Variants in DOCK4 observed in about 807,000 individuals in gnomAD.
DOCK4 encodes dedicator of cytokinesis 4.
Under a neutral mutation model 268.1 loss-of-function variants are expected in DOCK4, and 97 were observed. That is an observed-to-expected ratio of 0.36 (90% CI 0.31 to 0.43). DOCK4 has a LOEUF of 0.43. DOCK4 is among the 20% of genes least tolerant of loss of function. The pLI is 1.00. For synonymous variants in DOCK4, 954 were observed against 887.2 expected, an observed-to-expected ratio of 1.08 and a Z score of -1.34; for missense variants, 2,145 against 2,455.7, an observed-to-expected ratio of 0.87 and a Z score of 2.67.
At chr7:111,989,666 T>C (rs954513655) in intron 5 of DOCK4, among the ~76,000 whole-genome samples, 3 of 152,252 alleles carry the variant, frequency 2.0e-5, no homozygotes, top group Non-Finnish European at 2.9e-5. Context: ...AATTCATTCA[T>C]TGATGGATAT....
At chr7:112,113,397 AT>A (rs900756026) in intron 1 of DOCK4, among the ~76,000 whole-genome samples, 2 of 151,962 alleles carry the variant, frequency 1.3e-5, no homozygotes, top group African/African-American at 4.8e-5. Flanking sequence ...ACCACAAAAG[AT>A]TTTTTTTAAA....
At chr7:112,056,356 T>G (rs189313435) in intron 1 of DOCK4, among the ~76,000 whole-genome samples, 10 of 152,296 alleles carry the variant, frequency 6.6e-5, no homozygotes, top group Admixed American at 2.0e-4. Flanking sequence ...GTGTATGCTT[T>G]TAAATATGCT....
chr7:111,906,884 C>T (rs2134454885), intron 13 of DOCK4, among the ~76,000 whole-genome samples: 1 of 152,262 alleles, frequency 6.6e-6, no homozygotes, highest in South Asian at 2.1e-4. Context: ...CCTGATCACA[C>T]CTTGATTTTA....
At chr7:111,940,307 A>G in intron 10 of DOCK4, 65 bp from the exon 11 acceptor site, 1 of 1,603,490 alleles carries the variant, frequency 6.2e-7, no homozygotes, top group Non-Finnish European at 8.5e-7. Context: ...TTAGGTAGCG[A>G]AACATACAGC....
intron 27 of DOCK4, among the ~76,000 whole-genome samples, chr7:111,813,911 C>G (rs1409871714): frequency 6.6e-6 from 1 of 152,216 alleles, no homozygotes; most frequent in African/African-American, 2.4e-5. Flanking sequence ...GATCACTGGA[C>G]TTCTAAGTTT....
At chr7:111,909,445 C>G (rs1489540635) in intron 13 of DOCK4, among the ~76,000 whole-genome samples, 1 of 152,132 alleles carries the variant, frequency 6.6e-6, no homozygotes, top group Non-Finnish European at 1.5e-5. Context: ...AGAAATTTGA[C>G]TTATTTGAAC....
intron 1 of DOCK4, among the ~76,000 whole-genome samples, chr7:112,194,788 C>A (rs1168824785): frequency 6.6e-6 from 1 of 152,114 alleles, no homozygotes; most frequent in Non-Finnish European, 1.5e-5. Context: ...AATGTGTATG[C>A]CAATTCTTCA....
intron 1 of DOCK4, among the ~76,000 whole-genome samples, chr7:112,060,824 G>T (rs1317100513): frequency 6.6e-6 from 1 of 151,238 alleles, no homozygotes. Context: ...AGGGAGAATA[G>T]GGAGTTATTT....
chr7:111,849,921 T>C (rs1032177568), intron 23 of DOCK4, among the ~76,000 whole-genome samples: 2 of 152,114 alleles, frequency 1.3e-5, no homozygotes, highest in Admixed American at 6.5e-5. Flanking sequence ...TGGAATAAAT[T>C]AGTTTGCTCC....
At chr7:112,129,816 T>C (rs1056555120) in intron 1 of DOCK4, among the ~76,000 whole-genome samples, 4 of 152,194 alleles carry the variant, frequency 2.6e-5, no homozygotes, top group South Asian at 2.1e-4. Flanking sequence ...GGGGTTGTCA[T>C]TTCCCCCAAG....
intron 23 of DOCK4, among the ~76,000 whole-genome samples, chr7:111,859,771 T>G (rs904893147): frequency 1.3e-5 from 2 of 151,580 alleles, no homozygotes; most frequent in East Asian, 3.9e-4. Context: ...GTTTCACCGT[T>G]TTAGCCGGGA....
chr7:111,761,062 CTTTTTT>C (rs34238929), intron 39 of DOCK4, among the ~76,000 whole-genome samples: 2 of 140,978 alleles, frequency 1.4e-5, no homozygotes, highest in Non-Finnish European at 3.1e-5. Flanking sequence ...GGCTTAAAGT[CTTTTTT>C]TTTTTTTTTT....
chr7:112,042,381 G>C (rs115928630), intron 1 of DOCK4, among the ~76,000 whole-genome samples: 3,059 of 152,166 alleles, frequency 0.02, 122 homozygotes, highest in African/African-American at 0.071. Context: ...GTGTGAACGA[G>C]GATATTCTGA....
chr7:111,807,405 C>G (rs1800755068), intron 30 of DOCK4: 1 of 151,620 alleles, frequency 6.6e-6, no homozygotes, highest in Admixed American at 6.6e-5. Flanking sequence ...TGAGCTGCAA[C>G]TAAAGACAGA....
At chr7:111,745,566 C>G (rs1374394409) in intron 44 of DOCK4, among the ~76,000 whole-genome samples, 1 of 151,544 alleles carries the variant, frequency 6.6e-6, no homozygotes, top group Non-Finnish European at 1.5e-5. Flanking sequence ...CACTTGTGGT[C>G]CCAGCTACTT....
chr7:111,933,273 TATATAC>T (rs1205474291), intron 12 of DOCK4, among the ~76,000 whole-genome samples: 4 of 132,094 alleles, frequency 3.0e-5, no homozygotes, highest in Non-Finnish European at 6.2e-5. Flanking sequence ...TATATATACA[TATATAC>T]ATATATATAT....
intron 13 of DOCK4, among the ~76,000 whole-genome samples, chr7:111,906,026 G>A (rs1025709495): frequency 2.0e-5 from 3 of 152,144 alleles, no homozygotes; most frequent in Non-Finnish European, 4.4e-5. Flanking sequence ...TTTTGCAGAT[G>A]AGGAAATTAA....
intron 1 of DOCK4, among the ~76,000 whole-genome samples, chr7:112,126,356 C>T (rs1813214845): frequency 6.6e-6 from 1 of 152,064 alleles, no homozygotes; most frequent in South Asian, 2.1e-4. Flanking sequence ...AGGTAAAGCT[C>T]ACAAAAATAC....
intron 13 of DOCK4, among the ~76,000 whole-genome samples, chr7:111,913,124 C>T (rs1043681069): frequency 2.0e-5 from 3 of 151,742 alleles, no homozygotes; most frequent in South Asian, 2.1e-4. Context: ...CCACCATGCC[C>T]GGCTAATTTT....
Sources: allele counts gnomAD v4.1 joint callset (sites outside exome capture counted in the v4.1 genomes callset), GRCh38; gene constraint gnomAD v4.1.1; transcripts MANE v1.5; gene names NCBI Gene and HGNC (gene_info 2026-07-23, HGNC 2026-07-21).